CCDC6: variants seen among roughly 807,000 people sequenced by gnomAD.
The protein encoded by CCDC6 is coiled-coil domain containing 6.
A neutral mutation model predicts 56.6 loss-of-function variants in CCDC6; 20 were observed. The ratio of observed to expected loss-of-function variants is 0.35; its 90% CI spans 0.25 to 0.51. The LOEUF is 0.51. Ranked by LOEUF, CCDC6 falls within the 20% of genes least tolerant of loss-of-function variation. The pLI is 0.95. For synonymous variants in CCDC6, 241 were observed against 234.4 expected (o/e 1.03, Z -0.26); for missense variants, 367 against 601.1 (o/e 0.61, Z 4.07).
intron 1 of CCDC6, among the ~76,000 whole-genome samples, chr10:59,855,868 A>T (rs2071077589): frequency 6.6e-6 from 1 of 152,256 alleles, no homozygotes; most frequent in African/African-American, 2.4e-5. Flanking sequence ...AGCAAAATGT[A>T]AAAATGAAGA....
intron 2 of CCDC6, among the ~76,000 whole-genome samples, chr10:59,843,708 C>T (rs1332082312): frequency 6.6e-6 from 1 of 152,184 alleles, no homozygotes; most frequent in Non-Finnish European, 1.5e-5. Context: ...TAGTAACTTG[C>T]TCCAGAAAAT....
intron 1 of CCDC6, among the ~76,000 whole-genome samples, chr10:59,859,542 T>C (rs909552648): frequency 3.3e-5 from 5 of 152,176 alleles, no homozygotes; most frequent in African/African-American, 1.2e-4. Context: ...ATCTTGGGTT[T>C]TCCATTTCAA....
chr10:59,881,021 G>A (rs2071329289), intron 1 of CCDC6, among the ~76,000 whole-genome samples: 3 of 151,742 alleles, frequency 2.0e-5, no homozygotes, highest in South Asian at 2.1e-4. Flanking sequence ...CCGACCCCCT[G>A]CTGCACTCCC....
intron 1 of CCDC6, among the ~76,000 whole-genome samples, chr10:59,885,171 A>G (rs905268599): frequency 6.6e-6 from 1 of 152,190 alleles, no homozygotes; most frequent in Non-Finnish European, 1.5e-5. Flanking sequence ...GGAAAGGAAG[A>G]GCGAAATCTA....
intron 1 of CCDC6, 76 bp downstream of exon 1, chr10:59,906,046 G>A (rs991671478): frequency 1.6e-6 from 2 of 1,269,204 alleles, no homozygotes; most frequent in Non-Finnish European, 2.2e-6. Context: ...GACTTGGGGG[G>A]TGGCTGGATT....
chr10:59,857,874 C>G (rs1480967832), intron 1 of CCDC6, among the ~76,000 whole-genome samples: 1 of 152,042 alleles, frequency 6.6e-6, no homozygotes, highest in Non-Finnish European at 1.5e-5. Context: ...CATCTGAAAC[C>G]ACATTATTAG....
intron 3 of CCDC6, among the ~76,000 whole-genome samples, chr10:59,816,601 C>G (rs1411757533): frequency 1.3e-5 from 2 of 152,200 alleles, no homozygotes; most frequent in Non-Finnish European, 2.9e-5. Flanking sequence ...AAAATAATGT[C>G]TGGCTCATTG....
intron 1 of CCDC6, among the ~76,000 whole-genome samples, chr10:59,901,534 A>G (rs980080429): frequency 6.6e-6 from 1 of 152,214 alleles, no homozygotes; most frequent in Non-Finnish European, 1.5e-5. Context: ...TATAACTTCA[A>G]AACACCTTGT....
chr10:59,811,022 G>A (rs1310765106), intron 5 of CCDC6, among the ~76,000 whole-genome samples: 1 of 152,158 alleles, frequency 6.6e-6, no homozygotes, highest in Non-Finnish European at 1.5e-5. Context: ...GGGAATCCAG[G>A]CAGCCTCTAG....
At position 59,790,802 on chromosome 10, in the gene CCDC6, A is replaced by G. The variant is rs1205494148; in HGVS notation, c.*2115T>C. The G allele has an allele frequency of 4.7e-6, 1 of 214,404 alleles. No individual in the cohort carries two copies. Among genetic ancestry groups the G allele is most frequent in the Non-Finnish European group, 9.4e-6 (1 of 105,912 alleles). The allele number at this position is 214,404 out of a possible 1,614,324, so 13.3% of individuals were successfully genotyped here. A position where few individuals can be genotyped will look rare whatever the true frequency, so the allele number is the denominator to read the frequency against. On this transcript the variant is annotated 3_prime_UTR_variant, in exon 9 of 9. Transcript: ENST00000263102. Reference sequence around the variant, plus strand: ...CGCTCACTCCAAGTGCTTTTTAAAAATTCAACATATGGCAATGTTTTAATT... The same window carrying G: ...CGCTCACTCCAAGTGCTTTTTAAAAGTTCAACATATGGCAATGTTTTAATT...
intron 7 of CCDC6, among the ~76,000 whole-genome samples, chr10:59,798,159 A>G (rs1326043657): frequency 1.3e-5 from 2 of 152,254 alleles, no homozygotes; most frequent in African/African-American, 4.8e-5. Context: ...GCAAAGTGAA[A>G]AGGGAAAACA....
In CCDC6 at chr10:59,815,188, A is replaced by C. The variant is rs530062580; in HGVS notation, c.583-433T>G. 4.6e-5 allele frequency among the ~76,000 whole-genome samples: 7 copies of C among 152,334 alleles called. No individual in the cohort carries two copies. In the East Asian group the frequency reaches 1.2e-3, roughly 25 times the overall value. On this transcript the variant is annotated intron_variant, in intron 3 of 8. Coordinates refer to ENST00000263102, the MANE Select transcript of CCDC6 (RefSeq NM_005436.5). Reference sequence around the variant, plus strand: ...ATATAAATAACTCTTAAAAGCTCCCAAACACTCTACATACTGGCTAATGGA... The same window carrying C: ...ATATAAATAACTCTTAAAAGCTCCCCAACACTCTACATACTGGCTAATGGA...
At position 59,815,408 on chromosome 10, in the gene CCDC6, A is replaced by C. The variant is rs1437987066; in HGVS notation, c.583-653T>G. Among the ~76,000 whole-genome samples, 21 of 152,218 alleles carry C rather than the reference A, an allele frequency of 1.4e-4. No homozygotes were observed. The East Asian group carries it at 4.0e-3, about 29-fold the overall frequency. On this transcript the variant is annotated intron_variant, in intron 3 of 8. Transcript: ENST00000263102. ...GAAGCAAACATGGGAAAATTCAATTAATCAATATTGAGCAATATGTAATAA... is the reference window on the plus strand; with the variant it reads ...GAAGCAAACATGGGAAAATTCAATTCATCAATATTGAGCAATATGTAATAA...
intron 1 of CCDC6, among the ~76,000 whole-genome samples, chr10:59,867,756 T>C (rs1001638697): frequency 1.3e-5 from 2 of 152,072 alleles, no homozygotes; most frequent in African/African-American, 4.8e-5. Flanking sequence ...TTGGTAGAGA[T>C]GGGGTTTCGC....
At chr10:59,814,473 G>A (rs1054611808) in intron 4 of CCDC6, among the ~76,000 whole-genome samples, 179 bp downstream of exon 4, 4 of 152,084 alleles carry the variant, frequency 2.6e-5, no homozygotes, top group African/African-American at 9.7e-5. Flanking sequence ...AGAATAAAGA[G>A]GTGCCCAACA....
chr10:59,860,915 C>T (rs1433883745), intron 1 of CCDC6, among the ~76,000 whole-genome samples: 1 of 152,042 alleles, frequency 6.6e-6, no homozygotes, highest in Non-Finnish European at 1.5e-5. Flanking sequence ...CTGGGTATGG[C>T]TGGGCACGGT....
chr10:59,835,630 A>G (rs1163116092), intron 2 of CCDC6, among the ~76,000 whole-genome samples: 13 of 152,228 alleles, frequency 8.5e-5, no homozygotes, highest in Admixed American at 7.2e-4. Flanking sequence ...AGACAGTGCT[A>G]AAACAAACAG....
At position 59,860,851 on chromosome 10, in the gene CCDC6, C is replaced by T. The variant is rs139746591; in HGVS notation, c.304-8149G>A. The stretch of plus-strand genomic sequence containing the variant: ...TCACTTGAGGTTCAGGAGTTCAAGA[C>T]GAGACTGGGCAACATGGTGAAGTCC... On this transcript the variant is annotated intron_variant, in intron 1 of 8. Transcript: ENST00000263102. Among the ~76,000 whole-genome samples the T allele has an allele frequency of 6.2e-3, 946 of 152,170 alleles. 10 individuals are homozygous for T. The highest frequency in any genetic ancestry group is 0.022 in the African/African-American group (908 of 41,516).
chr10:59,904,852 C>T (rs1171828), intron 1 of CCDC6, among the ~76,000 whole-genome samples: 98,988 of 152,040 alleles, frequency 0.65, 32,558 homozygotes, highest in East Asian at 0.86. Flanking sequence ...TGAGCCAGCA[C>T]TGGGGGTGTA....
Sources: allele counts gnomAD v4.1 joint callset (sites outside exome capture counted in the v4.1 genomes callset), GRCh38; gene constraint gnomAD v4.1.1; transcripts MANE v1.5; gene names NCBI Gene and HGNC (gene_info 2026-07-23, HGNC 2026-07-21).